Variants in UBR4 observed in about 807,000 individuals in gnomAD.
UBR4 encodes the protein ubiquitin protein ligase E3 component n-recognin 4.
In UBR4, 124 loss-of-function variants were observed where a neutral mutation model predicts 575.6. The observed-to-expected ratio is 0.22, with a 90% confidence interval of 0.19 to 0.25. UBR4 has a LOEUF of 0.25. UBR4 is among the 10% of genes least tolerant of loss of function. The pLI is 1.00. For synonymous variants in UBR4, 2,455 were observed against 2,473.7 expected, an observed-to-expected ratio of 0.99 and a Z score of 0.22; for missense variants, 4,818 against 6,478.8, an observed-to-expected ratio of 0.74 and a Z score of 8.80.
In UBR4 at chr1:19,076,884, T is replaced by G; in HGVS notation, c.15343A>C (p.Thr5115Pro). 6.3e-7 allele frequency: 1 copy of G among 1,578,784 alleles called. No individual in the cohort carries two copies. Among genetic ancestry groups the G allele is most frequent in the Non-Finnish European group, 8.6e-7 (1 of 1,164,394 alleles). The stretch of plus-strand genomic sequence containing the variant: ...AGAGAGCAGGACCAGCCTCCCTCTG[T>G]GTTACTGGTAGGCACCTTCTACGAG... Reference protein sequence around the residue: ...NMFKKVPTSNTEGGWSCSLAE... With the variant: ...NMFKKVPTSNPEGGWSCSLAE... Residue 5115 changes from threonine to proline, a missense_variant, in exon 105 of 106, where the codon ACA becomes CCA. Physicochemically the swap from Thr to Pro is conservative, Grantham distance 38. This residue lies in a region of UBR4 where 212 missense variants were observed against 221.3 expected (regional missense o/e 0.96). Transcript: ENST00000375254.
intron 8 of UBR4, 55 bp downstream of exon 8, chr1:19,197,086 G>A (rs1490036746): frequency 6.3e-7 from 1 of 1,588,174 alleles, no homozygotes. Flanking sequence ...ATGGTTTCCT[G>A]AAAGTATATC....
intron 65 of UBR4, among the ~76,000 whole-genome samples, chr1:19,124,271 A>T (rs1184039121): frequency 6.6e-6 from 1 of 152,234 alleles, no homozygotes; most frequent in Non-Finnish European, 1.5e-5. Context: ...TTTTTCTGAC[A>T]GAACCTAAAT....
At chr1:19,087,958 G>A (rs776825976) in intron 98 of UBR4, 29 bp from the exon 99 acceptor site, 3 of 1,561,922 alleles carry the variant, frequency 1.9e-6, no homozygotes, top group South Asian at 1.2e-5. Context: ...GGCATGTCAA[G>A]GGGATTTCCA....
Position 19,151,721 on chromosome 1 carries a change from G to A in UBR4, c.7135C>T (p.Leu2379=). Reference sequence around the variant, plus strand: ...AAGTCAAACCAGCGTGAGCGACTCAGGTTGAGCTGCATAGTTCTGCCGAAG... The same window carrying A: ...AAGTCAAACCAGCGTGAGCGACTCAAGTTGAGCTGCATAGTTCTGCCGAAG... ...EIFGRTMQLN[L]SRSRWFDFPF... The change falls in exon 48 of 106, where the codon CTG becomes TTG. Residue 2379 remains leucine, a synonymous_variant. Transcript: ENST00000375254. The A allele has an allele frequency of 6.2e-7, 1 of 1,614,200 alleles. No homozygotes were observed. Among genetic ancestry groups the A allele is most frequent in the South Asian group, 1.1e-5 (1 of 91,090 alleles).
In UBR4 at chr1:19,074,724, G is replaced by A. The variant is rs2075754390; in HGVS notation, c.*108C>T. The A allele has an allele frequency of 2.4e-6, 3 of 1,275,070 alleles. No homozygotes were observed. The highest frequency in any genetic ancestry group is 1.3e-5 in the South Asian group (1 of 78,452). 79.0% of individuals were successfully genotyped at this position (1,275,070 alleles called of 1,614,324 possible). A position where few individuals can be genotyped will look rare whatever the true frequency, so the allele number is the denominator to read the frequency against. ...AAGAAAAATGAGAGAGGGGAGGGCG[G>A]GGTAACAATGCAGCATCCCGCGGAG... is the stretch of plus-strand genomic sequence containing the variant. On this transcript the variant is annotated 3_prime_UTR_variant, in exon 106 of 106. Coordinates refer to ENST00000375254, the MANE Select transcript of UBR4 (RefSeq NM_020765.3).
intron 17 of UBR4, among the ~76,000 whole-genome samples, chr1:19,180,334 G>A (rs868199509): frequency 7.0e-4 from 107 of 152,064 alleles, no homozygotes; most frequent in Middle Eastern, 3.4e-3. Flanking sequence ...GATTACAAGC[G>A]TGTGCCACCA....
At chr1:19,103,549 G>A (rs1389265584) in intron 87 of UBR4, among the ~76,000 whole-genome samples, 1 of 152,134 alleles carries the variant, frequency 6.6e-6, no homozygotes, top group Non-Finnish European at 1.5e-5. Flanking sequence ...TGGGCAACAA[G>A]AGTGAAACTT....
chr1:19,137,824 G>T (rs377399399), intron 60 of UBR4, among the ~76,000 whole-genome samples, 183 bp downstream of exon 60: 1 of 152,142 alleles, frequency 6.6e-6, no homozygotes, highest in African/African-American at 2.4e-5. Context: ...AATATAATTC[G>T]AAGACAAAGA....
intron 19 of UBR4, among the ~76,000 whole-genome samples, 160 bp downstream of exon 19, chr1:19,177,301 C>T (rs905304478): frequency 2.0e-5 from 3 of 152,144 alleles, no homozygotes; most frequent in Non-Finnish European, 4.4e-5. Flanking sequence ...GGCTAAACAT[C>T]AAGTACAAAG....
rs535369262 is a variant in UBR4, at chr1:19,166,714, C to CAAAAAAAAA, written c.4109+299_4109+307dup. On this transcript the variant is annotated intron_variant, in intron 29 of 105. Transcript: ENST00000375254. ...ACAACATGGCAAACTCCATCTCTAC[C>CAAAAAAAAA]AAAAAAAAAAAAAAAAAAAAAAAAA... Among the ~76,000 whole-genome samples, 9 of 73,752 alleles carry CAAAAAAAAA rather than the reference C, an allele frequency of 1.2e-4. 1 individual carries two copies. The highest frequency in any genetic ancestry group is 5.3e-4 in the African/African-American group (8 of 15,128). 48.4% of individuals were successfully genotyped at this position (73,752 alleles called of 152,430 possible).
chr1:19,153,828 A>T lies in UBR4; in HGVS notation c.6570T>A (p.Val2190=). Residue 2190 remains valine (V), a synonymous_variant, in exon 45 of 106, where the codon GTT becomes GTA. Coordinates refer to ENST00000375254, the MANE Select transcript of UBR4 (RefSeq NM_020765.3). The surrounding 1 kb of genome is among the most constrained non-coding windows in gnomAD (Gnocchi z 4.1). ...VQQTTGVPLV[V]MVKPDTFLIQ... is the part of the protein sequence containing the mutation. ...TAAGAAAAGTGTCTGGTTTCACCAT[A>T]ACTACCAGCGGCACCCCTGTAGTTT... 6.2e-7 allele frequency: 1 copy of T among 1,614,214 alleles called. No homozygotes were observed. The highest frequency in any genetic ancestry group is 1.1e-5 in the South Asian group (1 of 91,086).
chr1:19,183,697 G>T, intron 17 of UBR4, 114 bp downstream of exon 17: 1 of 1,085,122 alleles, frequency 9.2e-7, no homozygotes, highest in Non-Finnish European at 1.4e-6. Flanking sequence ...ACTCCAGCCT[G>T]GGTAACAGAG....
chr1:19,177,361 C>G, intron 19 of UBR4, 100 bp downstream of exon 19: 2 of 1,485,814 alleles, frequency 1.3e-6, no homozygotes, highest in South Asian at 2.6e-5. Context: ...AACCTAAAAC[C>G]TAAAGTGGGT....
At chr1:19,149,769 A>G in intron 49 of UBR4, 1 of 1,302,248 alleles carries the variant, frequency 7.7e-7, no homozygotes, top group Non-Finnish European at 1.0e-6. Context: ...TAACCGGTCC[A>G]GCTTGGTTAG....
At chr1:19,077,752 CAAACCAAACA>C (rs771316100) in intron 104 of UBR4, 22 of 1,467,346 alleles carry the variant, frequency 1.5e-5, no homozygotes, top group East Asian at 1.1e-4. Flanking sequence ...CAAACCAAAC[CAAACCAAACA>C]AAACCAAACA....
rs371200114 is a variant in UBR4 at position 19,106,658 on chromosome 1, C to A, written c.12304G>T (p.Val4102Leu). 1.2e-6 allele frequency: 2 copies of A among 1,610,372 alleles called. No individual in the cohort carries two copies. The highest frequency in any genetic ancestry group is 4.5e-5 in the East Asian group (2 of 44,858). ...LRHLYLTEKY[V>L]WRWKQFLSRR... ...CTCAGGAACTGTTTCCACCTCCACA[C>A]ATACTTCTCAGTCAAATAGAGATGG... Residue 4102 changes from valine (V) to leucine (L), a missense_variant, in exon 83 of 106, where the codon GTG becomes TTG. By Grantham distance (32) the Val-to-Leu change is conservative. Coordinates refer to ENST00000375254, the MANE Select transcript of UBR4 (RefSeq NM_020765.3).
chr1:19,119,611 C>G lies in UBR4; in HGVS notation c.10401G>C (p.Gln3467His), dbSNP rs1166633355. ...ELPAYGRKAA[Q>H]FVDLLGYFSL... ...AGAAATATCCTAGTAGGTCCACAAA[C>G]TGGGCAGCCTTACGACCATAGGCTG... is the stretch of plus-strand genomic sequence containing the variant. The change falls in exon 70 of 106, where the codon CAG becomes CAC. Residue 3467 changes from glutamine (Q) to histidine (H), a missense_variant. Physicochemically the swap from Gln to His is conservative, Grantham distance 24. Transcript: ENST00000375254. 1 of 1,614,088 alleles carries G rather than the reference C, an allele frequency of 6.2e-7. No individual in the cohort carries two copies. Among genetic ancestry groups the G allele is most frequent in the South Asian group, 1.1e-5 (1 of 91,078 alleles).
intron 75 of UBR4, 28 bp from the exon 76 acceptor site, chr1:19,114,098 G>A: frequency 1.9e-6 from 3 of 1,600,126 alleles, no homozygotes; most frequent in Non-Finnish European, 2.6e-6. Context: ...GGGACTGAGT[G>A]AAGGCTTTTT....
Position 19,173,501 on chromosome 1 carries a change from T to C in UBR4, c.3103A>G (p.Ile1035Val). The stretch of plus-strand genomic sequence containing the variant: ...GAAGACCATCGCAGAGTGTGCAAGA[T>C]GTCACATTCGCTCATCTCAGGTGAG... ...MNSPEMSECD[I>V]LHTLRWSSRL... The change falls in exon 23 of 106, where the codon ATC becomes GTC. Residue 1035 changes from isoleucine to valine, a missense_variant. Transcript: ENST00000375254. 6.2e-7 allele frequency: 1 copy of C among 1,614,190 alleles called. No individual in the cohort carries two copies. The highest frequency in any genetic ancestry group is 8.5e-7 in the Non-Finnish European group (1 of 1,180,036).
Sources: gnomAD v4.1 joint callset for allele counts (sites outside exome capture counted in the v4.1 genomes callset) on GRCh38, gnomAD v4.1.1 for gene constraint, gnomAD v4.1.1 regional missense constraint, Gnocchi (gnomAD v3.1) non-coding constraint, MANE v1.5 for transcripts, NCBI Gene and HGNC (gene_info 2026-07-23, HGNC 2026-07-21) for gene names.